Variants in HS6ST2 observed in about 807,000 individuals in gnomAD.
HS6ST2 encodes the protein heparan-sulfate 6-O-sulfotransferase 2.
Under a neutral mutation model 33.0 loss-of-function variants are expected in HS6ST2, and 17 were observed. The observed-to-expected ratio is 0.52, with a 90% CI of 0.35 to 0.77. The LOEUF is 0.77. Ranked by LOEUF, HS6ST2 falls within the 30% of genes least tolerant of loss-of-function variation. The pLI, the probability that HS6ST2 is intolerant of heterozygous loss-of-function variation, is 0.01. For synonymous variants in HS6ST2, 248 were observed against 237.1 expected (o/e 1.05, Z -0.42); for missense variants, 519 against 551.7 (o/e 0.94, Z 0.59).
chrX:132,914,986 A>G (rs2066570193), intron 2 of HS6ST2, among the ~76,000 whole-genome samples: 1 of 112,902 alleles, frequency 8.9e-6, no homozygotes, highest in Non-Finnish European at 1.9e-5. Context: ...TGCAGCATGC[A>G]GCATGCAAAA....
At chrX:132,756,464 C>A (rs1339584716) in intron 2 of HS6ST2, among the ~76,000 whole-genome samples, 1 of 111,350 alleles carries the variant, frequency 9.0e-6, no homozygotes, top group Non-Finnish European at 1.9e-5. Context: ...TCATTGACTC[C>A]TTTGCCCTGA....
intron 3 of HS6ST2, among the ~76,000 whole-genome samples, chrX:132,682,712 G>C (rs2063982479): frequency 9.2e-6 from 1 of 108,684 alleles, no homozygotes; most frequent in Non-Finnish European, 1.9e-5. Flanking sequence ...CTTGTGAGAG[G>C]CCAGTTCAGC....
At chrX:132,781,202 T>C (rs1192510647) in intron 2 of HS6ST2, among the ~76,000 whole-genome samples, 1 of 112,282 alleles carries the variant, frequency 8.9e-6, no homozygotes, top group Non-Finnish European at 1.9e-5. Context: ...TGAAAAGATA[T>C]AAGACAATAA....
intron 2 of HS6ST2, among the ~76,000 whole-genome samples, chrX:132,881,471 G>A (rs1391179345): frequency 3.4e-5 from 2 of 58,356 alleles, no homozygotes; most frequent in East Asian, 6.1e-4. Flanking sequence ...TGTTGATGGG[G>A]TTGTTTGTTT....
In HS6ST2 at chrX:132,787,160, T is replaced by C. The variant is rs1419630778; in HGVS notation, c.948-78666A>G. Among the ~76,000 whole-genome samples the C allele has an allele frequency of 5.3e-5, 3 of 56,529 alleles. No individual in the cohort carries two copies. In the East Asian group the frequency reaches 1.3e-3, roughly 25 times the overall value. The allele number at this position is 56,529 out of a possible 115,157, so 49.1% of individuals were successfully genotyped here. On this transcript the variant is annotated intron_variant, in intron 2 of 4. Transcript: ENST00000370833. The stretch of plus-strand genomic sequence containing the variant: ...ATACTCCAAAGTGTGTGTGTGTATA[T>C]ATATATGTATATATATATATATATA...
chrX:132,936,045 C>CA (rs2066819654), intron 2 of HS6ST2, among the ~76,000 whole-genome samples: 1 of 87,266 alleles, frequency 1.1e-5, no homozygotes, highest in Non-Finnish European at 2.2e-5. Context: ...TCCATGAAAA[C>CA]AAAAATGGAT....
rs755702239 is a variant in HS6ST2 at position 132,664,609 on chromosome X, A to G, written c.1067+4504T>C. Reference sequence around the variant, plus strand: ...CCATTTTAATATCCCTCCTTCCCCTAGCTTAATTCATTTAACCCATCACTT... The same window carrying G: ...CCATTTTAATATCCCTCCTTCCCCTGGCTTAATTCATTTAACCCATCACTT... On this transcript the variant is annotated intron_variant, in intron 4 of 4. Transcript: ENST00000370833. 7.2e-5 allele frequency among the ~76,000 whole-genome samples: 8 copies of G among 111,293 alleles called. No homozygotes were observed. The Admixed American group carries it at 7.6e-4, about 11-fold the overall frequency.
At chrX:132,785,712 C>T (rs1212258700) in intron 2 of HS6ST2, among the ~76,000 whole-genome samples, 3 of 112,040 alleles carry the variant, frequency 2.7e-5, no homozygotes, top group African/African-American at 9.7e-5. Context: ...GGGGGCAGAC[C>T]AGCCCCAAAA....
intron 2 of HS6ST2, among the ~76,000 whole-genome samples, chrX:132,808,062 C>T (rs1046342324): frequency 1.3e-4 from 15 of 112,005 alleles, no homozygotes; most frequent in Non-Finnish European, 2.3e-4. Context: ...TTGGAAATCT[C>T]GCCCTTGTGG....
chrX:132,867,293 C>T (rs780113792), intron 2 of HS6ST2, among the ~76,000 whole-genome samples: 7 of 106,065 alleles, frequency 6.6e-5, no homozygotes, highest in African/African-American at 2.1e-4. Flanking sequence ...TATTGATTTG[C>T]ATATATTGAA....
Position 132,715,072 on chromosome X carries a change from C to A in HS6ST2, c.948-6578G>T, listed in dbSNP as rs146885243. Among the ~76,000 whole-genome samples the A allele has an allele frequency of 6.3e-3, 705 of 111,924 alleles. 4 individuals are homozygous for A. Among genetic ancestry groups the A allele is most frequent in the African/African-American group, 0.021 (660 of 30,839 alleles). On this transcript the variant is annotated intron_variant, in intron 2 of 4. Coordinates refer to ENST00000370833, the MANE Select transcript of HS6ST2 (RefSeq NM_001394073.1). ...CATCCTACTGACAGCATAGAGTCAC[C>A]TTCTACCCCAGGGTGCCTACCATAT... is the stretch of plus-strand genomic sequence containing the variant.
rs1014445060 is a variant in HS6ST2, at chrX:132,860,173, T to C, written c.947+96635A>G. ...CGGGAAATCCACATCAAATGAGCTC[T>C]GCAAAATCTGGCTTGAATGATGCTG... On this transcript the variant is annotated intron_variant, in intron 2 of 4. Transcript: ENST00000370833. Among the ~76,000 whole-genome samples the C allele has an allele frequency of 3.6e-5, 4 of 112,371 alleles. No homozygotes were observed. The Admixed American group carries it at 3.8e-4, about 11-fold the overall frequency.
chrX:132,782,074 A>G (rs1358560055), intron 2 of HS6ST2, among the ~76,000 whole-genome samples: 2 of 111,767 alleles, frequency 1.8e-5, no homozygotes, highest in African/African-American at 6.5e-5. Flanking sequence ...TGATTCCATG[A>G]TGAAATCCAT....
intron 2 of HS6ST2, among the ~76,000 whole-genome samples, chrX:132,719,093 C>G (rs1411665267): frequency 8.9e-6 from 1 of 111,882 alleles, no homozygotes; most frequent in Non-Finnish European, 1.9e-5. Flanking sequence ...GCAATGTCGC[C>G]TTGGGAAAGA....
At chrX:132,637,773 TA>T (rs1230649988) in intron 4 of HS6ST2, among the ~76,000 whole-genome samples, 1 of 72,266 alleles carries the variant, frequency 1.4e-5, no homozygotes, top group Non-Finnish European at 2.4e-5. Flanking sequence ...ATTATATATT[TA>T]TATATATAAT....
intron 2 of HS6ST2, among the ~76,000 whole-genome samples, chrX:132,882,349 T>G (rs1393051628): frequency 9.1e-6 from 1 of 110,065 alleles, no homozygotes; most frequent in Admixed American, 9.7e-5. Flanking sequence ...ACATCCCTTG[T>G]AAGTTGGGTT....
At chrX:132,935,522 G>C (rs894526122) in intron 2 of HS6ST2, among the ~76,000 whole-genome samples, 6 of 111,862 alleles carry the variant, frequency 5.4e-5, no homozygotes, top group African/African-American at 1.6e-4. Flanking sequence ...CACCACCACA[G>C]TCAGCTAATT....
At chrX:132,830,830 G>A (rs1207300712) in intron 2 of HS6ST2, among the ~76,000 whole-genome samples, 1 of 111,392 alleles carries the variant, frequency 9.0e-6, no homozygotes, top group Non-Finnish European at 1.9e-5. Context: ...AAAGTCATTA[G>A]TGAGGTCCCC....
At chrX:132,641,979 C>G (rs923564073) in intron 4 of HS6ST2, among the ~76,000 whole-genome samples, 1 of 111,975 alleles carries the variant, frequency 8.9e-6, no homozygotes. Flanking sequence ...TAGCTGGACA[C>G]CATTTTAGAC....
Sources: gnomAD v4.1 joint callset for allele counts (sites outside exome capture counted in the v4.1 genomes callset) on GRCh38, gnomAD v4.1.1 for gene constraint, MANE v1.5 for transcripts, NCBI Gene and HGNC (gene_info 2026-07-23, HGNC 2026-07-21) for gene names.